The following NUDT7 variants were observed in gnomAD, a reference collection of about 807,000 sequenced individuals.
NUDT7 encodes nudix hydrolase 7, also known as peroxisomal coenzyme A diphosphatase NUDT7.
A neutral mutation model predicts 13.1 loss-of-function variants in NUDT7; 19 were observed. The ratio of observed to expected loss-of-function variants is 1.45; its 90% confidence interval spans 1.01 to 2.13. The LOEUF (loss-of-function observed/expected upper bound fraction) is 2.13. NUDT7 is among the 30% of genes most tolerant of loss of function. The pLI, the probability that NUDT7 is intolerant of heterozygous loss-of-function variation, is 0.00. For missense variants in NUDT7, 360 were observed against 291.7 expected (o/e 1.23, Z -1.71); for synonymous variants, 132 against 109.7 (o/e 1.20, Z -1.27).
chr16:77,742,162 A>C lies in NUDT7; in HGVS notation c.*212A>C. On this transcript the variant is annotated 3_prime_UTR_variant, in exon 4 of 4. Coordinates refer to ENST00000268533, the MANE Select transcript of NUDT7 (RefSeq NM_001105663.3). ...GAAAACTATGTTCATAGTGTTGCAT[A>C]TTTTCACCCACAATATGTTAATAAT... 8.4e-7 allele frequency: 1 copy of C among 1,184,160 alleles called. No individual in the cohort carries two copies. The highest frequency in any genetic ancestry group is 1.1e-6 in the Non-Finnish European group (1 of 932,954). 73.4% of individuals were successfully genotyped at this position (1,184,160 alleles called of 1,614,324 possible).
intron 3 of NUDT7, chr16:77,736,627 C>G: frequency 4.3e-6 from 1 of 230,700 alleles, no homozygotes; most frequent in Non-Finnish European, 9.2e-6. Context: ...ATCTTATTTT[C>G]TTTTTTATTT....
intron 2 of NUDT7, among the ~76,000 whole-genome samples, chr16:77,734,943 A>G (rs308927): frequency 0.86 from 130,496 of 152,176 alleles, 56,588 homozygotes; most frequent in South Asian, 0.93. Context: ...CAGTAAATGT[A>G]TTAAACGTCT....
rs747154002 is a variant in NUDT7, at chr16:77,741,571, T to A, written c.349-11T>A. On this transcript the variant is annotated splice_polypyrimidine_tract_variant and intron_variant, in intron 3 of 3. Coordinates refer to ENST00000268533, the MANE Select transcript of NUDT7 (RefSeq NM_001105663.3). ...ACTTCTTAATTTGTCTGTTTTGTTT[T>A]CTGCTTTTAGACAGATACATTGATA... The A allele has an allele frequency of 6.3e-6, 10 of 1,575,582 alleles. No homozygotes were observed. In the South Asian group the frequency reaches 8.1e-5, roughly 13 times the overall value.
intron 3 of NUDT7, among the ~76,000 whole-genome samples, chr16:77,736,920 G>T: frequency 6.6e-6 from 1 of 152,128 alleles, no homozygotes; most frequent in Admixed American, 6.5e-5. Context: ...TTTAATTTCA[G>T]AATAGCTGTA....
chr16:77,724,696 G>A (rs896235642), intron 1 of NUDT7, among the ~76,000 whole-genome samples: 13 of 152,214 alleles, frequency 8.5e-5, no homozygotes, highest in Non-Finnish European at 1.8e-4. Flanking sequence ...TTTCAGGGGT[G>A]AGGGGATACT....
intron 3 of NUDT7, 137 bp from the exon 4 acceptor site, chr16:77,741,445 T>G: frequency 1.2e-6 from 1 of 836,406 alleles, no homozygotes. Flanking sequence ...AACATAAATT[T>G]GTTTCCGGAA....
At chr16:77,725,293 G>A (rs993774433) in intron 1 of NUDT7, 138 bp from the exon 2 acceptor site, 3 of 685,400 alleles carry the variant, frequency 4.4e-6, no homozygotes, top group Non-Finnish European at 7.0e-6. Context: ...CATTTCTGTC[G>A]TGTTATTGAA....
intron 2 of NUDT7, 77 bp from the exon 3 acceptor site, chr16:77,735,751 C>T: frequency 1.5e-6 from 2 of 1,322,332 alleles, no homozygotes; most frequent in South Asian, 1.4e-5. Flanking sequence ...AATAGAAGTC[C>T]AGTAAGTATT....
chr16:77,733,158 C>G (rs77462940), intron 2 of NUDT7, among the ~76,000 whole-genome samples: 8,447 of 152,204 alleles, frequency 0.055, 411 homozygotes, highest in Admixed American at 0.11. Flanking sequence ...GAGGCTGAAG[C>G]CTATAAAATA....
intron 3 of NUDT7, among the ~76,000 whole-genome samples, chr16:77,738,838 A>T (rs2014570191): frequency 1.3e-5 from 2 of 152,248 alleles, no homozygotes; most frequent in South Asian, 4.1e-4. Flanking sequence ...AAGGTCTCTG[A>T]AATATACCCA....
rs8044912 is a variant in NUDT7, at chr16:77,735,093, T to C, written c.190-735T>C. Among the ~76,000 whole-genome samples, 28 of 152,202 alleles carry C rather than the reference T, an allele frequency of 1.8e-4. No individual in the cohort carries two copies. The South Asian group carries it at 3.9e-3, about 21-fold the overall frequency. Reference sequence around the variant, plus strand: ...ATGCCCAGAACATAATAAGCAGCCATTAAAGGACTCAACAAAATTATCTGT... The same window carrying C: ...ATGCCCAGAACATAATAAGCAGCCACTAAAGGACTCAACAAAATTATCTGT... On this transcript the variant is annotated intron_variant, in intron 2 of 3. Transcript: ENST00000268533.
chr16:77,729,737 A>G (rs925951443), intron 2 of NUDT7, among the ~76,000 whole-genome samples: 1 of 152,152 alleles, frequency 6.6e-6, no homozygotes, highest in African/African-American at 2.4e-5. Context: ...AGGCAGGAGA[A>G]TCGCTTGAAC....
At chr16:77,728,986 G>A (rs1041658059) in intron 2 of NUDT7, among the ~76,000 whole-genome samples, 1 of 152,138 alleles carries the variant, frequency 6.6e-6, no homozygotes, top group Non-Finnish European at 1.5e-5. Flanking sequence ...TCTGGGACTG[G>A]AAGTAGGCAA....
At chr16:77,724,831 C>T (rs1172579739) in intron 1 of NUDT7, among the ~76,000 whole-genome samples, 3 of 152,218 alleles carry the variant, frequency 2.0e-5, no homozygotes, top group African/African-American at 7.2e-5. Flanking sequence ...GGAAATTGTT[C>T]TCAGAATGTG....
chr16:77,733,950 A>G (rs1198840305), intron 2 of NUDT7, among the ~76,000 whole-genome samples: 4 of 152,196 alleles, frequency 2.6e-5, no homozygotes, highest in Admixed American at 6.5e-5. Context: ...CTTCTGCCCA[A>G]GATATGAGAG....
At chr16:77,728,586 T>C (rs142026989) in intron 2 of NUDT7, among the ~76,000 whole-genome samples, 180 of 152,284 alleles carry the variant, frequency 1.2e-3, no homozygotes, top group Middle Eastern at 0.01. Context: ...ATCCCTAAAA[T>C]GGGCCTGAAA....
At chr16:77,725,353 A>G (rs2014096846) in intron 1 of NUDT7, 78 bp from the exon 2 acceptor site, 4 of 1,332,208 alleles carry the variant, frequency 3.0e-6, no homozygotes, top group Non-Finnish European at 4.1e-6. Flanking sequence ...ACAACAAAGC[A>G]GAAACAGAGG....
intron 2 of NUDT7, among the ~76,000 whole-genome samples, chr16:77,732,765 A>T (rs1455004530): frequency 2.0e-5 from 3 of 152,106 alleles, no homozygotes; most frequent in Admixed American, 6.5e-5. Flanking sequence ...ATTTTTCAGA[A>T]CGTGTCCCTG....
chr16:77,741,556 TTGTC>T (rs747453471), intron 3 of NUDT7, 22 bp from the exon 4 acceptor site: 3 of 1,557,330 alleles, frequency 1.9e-6, no homozygotes, highest in Middle Eastern at 1.7e-4. Context: ...ACTTCTTAAT[TTGTC>T]TGTTTTGTTT....
Sources: allele counts gnomAD v4.1 joint callset (sites outside exome capture counted in the v4.1 genomes callset), GRCh38; gene constraint gnomAD v4.1.1; transcripts MANE v1.5; gene names NCBI Gene and HGNC (gene_info 2026-07-23, HGNC 2026-07-21).